The following AGTPBP1 variants were observed in gnomAD, a reference collection of about 807,000 sequenced individuals.
AGTPBP1 encodes the protein ATP/GTP binding carboxypeptidase 1.
In AGTPBP1, 70 loss-of-function variants were observed where a neutral mutation model predicts 143.9. The observed-to-expected ratio is 0.49, with a 90% CI of 0.40 to 0.59. The LOEUF is 0.59. AGTPBP1 is among the 20% of genes least tolerant of loss of function. The pLI is 0.00. For synonymous variants in AGTPBP1, 463 were observed against 500.2 expected (o/e 0.93, Z 0.99); for missense variants, 1,229 against 1,464.5 (o/e 0.84, Z 2.62).
intron 25 of AGTPBP1, among the ~76,000 whole-genome samples, chr9:85,551,463 C>T (rs187817160): frequency 9.6e-4 from 146 of 152,258 alleles, no homozygotes; most frequent in African/African-American, 3.2e-3. Flanking sequence ...CATTTGTGTG[C>T]CTATATTCTC....
chr9:85,556,292 T>A (rs1392240113), intron 25 of AGTPBP1, among the ~76,000 whole-genome samples: 1 of 152,072 alleles, frequency 6.6e-6, no homozygotes, highest in African/African-American at 2.4e-5. Context: ...TATACTCTAA[T>A]AAACCAAATA....
chr9:85,659,354 T>A (rs1833718335), intron 9 of AGTPBP1, among the ~76,000 whole-genome samples: 1 of 152,122 alleles, frequency 6.6e-6, no homozygotes, highest in African/African-American at 2.4e-5. Context: ...GAAAAATAAA[T>A]GAGAATGCTC....
the AGTPBP1 span, among the ~76,000 whole-genome samples, chr9:85,758,929 T>C: frequency 3.0e-4 from 46 of 152,142 alleles, no homozygotes; most frequent in African/African-American, 1.1e-3. Flanking sequence ...GAGGAAGATA[T>C]ACCAAGCAAA....
chr9:85,702,383 C>A (rs1836719806), intron 2 of AGTPBP1, among the ~76,000 whole-genome samples: 1 of 152,022 alleles, frequency 6.6e-6, no homozygotes, highest in African/African-American at 2.4e-5. Context: ...GTGTGTTTTA[C>A]TGTGCTTTTA....
At chr9:85,574,463 C>CAA (rs4011699) in intron 25 of AGTPBP1, among the ~76,000 whole-genome samples, 11 of 116,128 alleles carry the variant, frequency 9.5e-5, no homozygotes, top group African/African-American at 2.7e-4. Flanking sequence ...CAAGAATGAT[C>CAA]AAAAAAAAAA....
chr9:85,656,074 G>A (rs995531693), intron 10 of AGTPBP1, among the ~76,000 whole-genome samples: 23 of 152,220 alleles, frequency 1.5e-4, no homozygotes, highest in Admixed American at 1.2e-3. Context: ...TGATCCGCCC[G>A]CCTTGGCCTC....
At chr9:85,687,815 C>T (rs185093281) in intron 3 of AGTPBP1, among the ~76,000 whole-genome samples, 11 of 152,066 alleles carry the variant, frequency 7.2e-5, no homozygotes, top group African/African-American at 2.2e-4. Flanking sequence ...GGCGGCCAGG[C>T]GCGGTGGCTC....
intron 17 of AGTPBP1, among the ~76,000 whole-genome samples, chr9:85,596,816 T>C (rs553434018): frequency 6.6e-6 from 1 of 152,256 alleles, no homozygotes; most frequent in Admixed American, 6.5e-5. Context: ...TGGATTTCCA[T>C]CTACACTAAA....
At chr9:85,743,507 C>T (rs188131681), upstream of AGTPBP1, among the ~76,000 whole-genome samples, 1 of 152,312 alleles carries the variant, frequency 6.6e-6, no homozygotes, top group East Asian at 1.9e-4. Context: ...AATGTGACAT[C>T]ACTCTTCATC....
At chr9:85,632,179 T>A (rs1831723214) in intron 14 of AGTPBP1, among the ~76,000 whole-genome samples, 2 of 152,072 alleles carry the variant, frequency 1.3e-5, no homozygotes, top group Admixed American at 1.3e-4. Flanking sequence ...AAAAGGGGTA[T>A]CCCTCACTTC....
At chr9:85,678,601 T>C (rs1285732838) in intron 4 of AGTPBP1, among the ~76,000 whole-genome samples, 2 of 152,342 alleles carry the variant, frequency 1.3e-5, no homozygotes, top group Non-Finnish European at 2.9e-5. Flanking sequence ...TTATTACTTG[T>C]GAAATATCAA....
In AGTPBP1 at chr9:85,633,311, T is replaced by C. The variant is rs1314225098; in HGVS notation, c.1366A>G (p.Ile456Val). 2.5e-6 allele frequency: 4 copies of C among 1,611,488 alleles called. No individual in the cohort carries two copies. Among genetic ancestry groups the C allele is most frequent in the South Asian group, 1.1e-5 (1 of 90,480 alleles). Residue 456 changes from isoleucine (I) to valine (V), a missense_variant, in exon 14 of 26, where the codon ATT becomes GTT. This residue lies in a region of AGTPBP1 where 743 missense variants were observed against 812.2 expected (regional missense o/e 0.91). Coordinates refer to ENST00000357081, the MANE Select transcript of AGTPBP1 (RefSeq NM_001330701.2). ...TCCTCGCCTGCCGTAGGAACAACAA[T>C]AGGACCACGTACTTTTCCCTCAAAT... ...FVFEGKVRGPIVVPTAGEETS... is the reference protein window; with the variant it reads ...FVFEGKVRGPVVVPTAGEETS...
the AGTPBP1 span, among the ~76,000 whole-genome samples, chr9:85,776,154 CA>C: frequency 2.6e-5 from 4 of 152,142 alleles, no homozygotes; most frequent in African/African-American, 9.7e-5. Context: ...ATAAAGTTAA[CA>C]GTACTTAAAT....
the AGTPBP1 span, among the ~76,000 whole-genome samples, chr9:85,778,425 G>A: frequency 8.0e-5 from 12 of 149,774 alleles, no homozygotes; most frequent in Admixed American, 1.3e-4. Flanking sequence ...GGGGGTCTGC[G>A]AGAGGCTCCA....
intron 21 of AGTPBP1, 142 bp downstream of exon 21, chr9:85,588,156 G>A: frequency 1.5e-6 from 1 of 650,726 alleles, no homozygotes; most frequent in Non-Finnish European, 2.4e-6. Flanking sequence ...TCATTTAAAA[G>A]TTTATCTTAA....
intron 25 of AGTPBP1, among the ~76,000 whole-genome samples, chr9:85,561,545 T>C (rs978907184): frequency 3.3e-5 from 5 of 151,812 alleles, no homozygotes; most frequent in Non-Finnish European, 7.4e-5. Flanking sequence ...CCACTGAAAA[T>C]ATCCCTCAAC....
intron 25 of AGTPBP1, among the ~76,000 whole-genome samples, chr9:85,574,116 T>C (rs1413364599): frequency 6.6e-6 from 1 of 152,196 alleles, no homozygotes; most frequent in Non-Finnish European, 1.5e-5. Context: ...TTTCATTTTG[T>C]TCTGTACTAA....
chr9:85,722,306 C>T (rs535827761), intron 1 of AGTPBP1, among the ~76,000 whole-genome samples: 3 of 152,324 alleles, frequency 2.0e-5, no homozygotes, highest in African/African-American at 7.2e-5. Context: ...TTCAGGAACA[C>T]CAATCAAACG....
rs73475706 is a variant in AGTPBP1 at position 85,556,892 on chromosome 9, T to C, written c.3504-9606A>G. 9.1e-3 allele frequency among the ~76,000 whole-genome samples: 1,390 copies of C among 152,198 alleles called. 13 individuals carry two copies. Among genetic ancestry groups the C allele is most frequent in the African/African-American group, 0.032 (1,322 of 41,556 alleles). On this transcript the variant is annotated intron_variant, in intron 25 of 25. Transcript: ENST00000357081. Reference sequence around the variant, plus strand: ...TGAAAACATCTCTCTTAATACCTAATAGAACAAACAGATCCAAAAACCATT... The same window carrying C: ...TGAAAACATCTCTCTTAATACCTAACAGAACAAACAGATCCAAAAACCATT...
Sources: allele counts gnomAD v4.1 joint callset (sites outside exome capture counted in the v4.1 genomes callset), GRCh38; gene constraint gnomAD v4.1.1; regional missense constraint gnomAD v4.1.1; transcripts MANE v1.5; gene names NCBI Gene and HGNC (gene_info 2026-07-23, HGNC 2026-07-21).